The following USH2A variants were observed in gnomAD, a reference collection of about 807,000 sequenced individuals.
The protein encoded by USH2A is Usher syndrome 2A (autosomal recessive, mild).
In USH2A, 443 loss-of-function variants were observed where a neutral mutation model predicts 538.9. That is an observed-to-expected ratio of 0.82 (90% CI 0.76 to 0.89). The LOEUF (loss-of-function observed/expected upper bound fraction) is 0.89. Among genes scored for constraint, USH2A ranks in the 40% least tolerant of loss-of-function variants. The probability of loss-of-function intolerance (pLI) is 0.00; values close to 1 mark genes in which losing one functional copy is unlikely to be tolerated. For missense variants in USH2A, 6,633 were observed against 6,324.8 expected, an observed-to-expected ratio of 1.05 and a Z score of -1.65; for synonymous variants, 2,413 against 2,273.5, an observed-to-expected ratio of 1.06 and a Z score of -1.75.
chr1:215,911,358 A>G (rs2102479350), intron 38 of USH2A, among the ~76,000 whole-genome samples: 1 of 151,162 alleles, frequency 6.6e-6, no homozygotes, highest in East Asian at 1.9e-4. Flanking sequence ...ACCCTCCACT[A>G]CTCTTCCCAG....
At chr1:215,903,969 GTTT>G (rs1558153492) in intron 38 of USH2A, among the ~76,000 whole-genome samples, 1 of 151,978 alleles carries the variant, frequency 6.6e-6, no homozygotes, top group Admixed American at 6.6e-5. Flanking sequence ...AACACAAATG[GTTT>G]TTAACAATCA....
chr1:216,115,514 T>TA (rs1361216691), intron 21 of USH2A, among the ~76,000 whole-genome samples: 2 of 152,174 alleles, frequency 1.3e-5, no homozygotes, highest in African/African-American at 4.8e-5. Flanking sequence ...AAGTACATTA[T>TA]AAAAAAGACT....
intron 37 of USH2A, among the ~76,000 whole-genome samples, chr1:215,944,336 A>T (rs2102434753): frequency 6.6e-6 from 1 of 152,316 alleles, no homozygotes; most frequent in South Asian, 2.1e-4. Flanking sequence ...CAACCTCTGA[A>T]TTAAACAATT....
At chr1:215,704,777 T>G (rs185983810) in intron 61 of USH2A, among the ~76,000 whole-genome samples, 66 of 152,300 alleles carry the variant, frequency 4.3e-4, no homozygotes, top group African/African-American at 9.6e-4. Context: ...TCCTTGAAAA[T>G]ACAAATTTAA....
chr1:216,096,625 C>T (rs552428874), intron 22 of USH2A, among the ~76,000 whole-genome samples: 17 of 152,116 alleles, frequency 1.1e-4, no homozygotes, highest in African/African-American at 2.4e-4. Flanking sequence ...TTTGCAGGGG[C>T]ATGGTCATAT....
intron 30 of USH2A, among the ~76,000 whole-genome samples, chr1:216,069,496 A>T (rs2031487597): frequency 6.6e-6 from 1 of 152,168 alleles, no homozygotes; most frequent in East Asian, 1.9e-4. Flanking sequence ...CTCCCTTTAA[A>T]TGTGCTTTAA....
chr1:215,666,144 G>A (rs1364412083), intron 64 of USH2A, among the ~76,000 whole-genome samples: 1 of 152,178 alleles, frequency 6.6e-6, no homozygotes, highest in Non-Finnish European at 1.5e-5. Flanking sequence ...AATTCTGGAA[G>A]CTATGCTGAA....
chr1:216,054,686 A>C (rs528646011), intron 30 of USH2A, among the ~76,000 whole-genome samples: 8 of 151,754 alleles, frequency 5.3e-5, no homozygotes, highest in African/African-American at 1.7e-4. Context: ...CCAGCTGCCA[A>C]CCAAGGTGTT....
chr1:215,908,808 C>A (rs1003752602), intron 38 of USH2A, among the ~76,000 whole-genome samples: 2 of 151,692 alleles, frequency 1.3e-5, no homozygotes, highest in Non-Finnish European at 2.9e-5. Context: ...TCTTTAGGGA[C>A]ACTTTTTAGA....
At chr1:215,991,008 C>A (rs1449116189) in intron 35 of USH2A, among the ~76,000 whole-genome samples, 6 of 151,878 alleles carry the variant, frequency 4.0e-5, no homozygotes, top group African/African-American at 1.2e-4. Flanking sequence ...TGATCCACCC[C>A]CCTCAGCCTC....
intron 48 of USH2A, among the ~76,000 whole-genome samples, chr1:215,814,480 G>T (rs1571713235): frequency 6.6e-6 from 1 of 151,922 alleles, no homozygotes; most frequent in Admixed American, 6.6e-5. Context: ...TTCATTTGGG[G>T]CTAGGTATGA....
At chr1:215,634,329 C>T in intron 70 of USH2A, 130 bp downstream of exon 70, 1 of 1,463,936 alleles carries the variant, frequency 6.8e-7, no homozygotes. Flanking sequence ...CTCTCTTGGT[C>T]CCCACACTTA....
chr1:216,086,911 G>T, intron 23 of USH2A, 91 bp from the exon 24 acceptor site: 1 of 964,316 alleles, frequency 1.0e-6, no homozygotes, highest in Non-Finnish European at 1.6e-6. Context: ...CAGCCTTTGG[G>T]ATACCACTCT....
chr1:216,404,915 T>C (rs1284004275), intron 3 of USH2A, among the ~76,000 whole-genome samples: 1 of 151,948 alleles, frequency 6.6e-6, no homozygotes, highest in African/African-American at 2.4e-5. Context: ...CACAGCACCA[T>C]GCCCAGCCAA....
chr1:216,038,524 T>C (rs899190013), intron 32 of USH2A, among the ~76,000 whole-genome samples: 15 of 151,958 alleles, frequency 9.9e-5, no homozygotes, highest in African/African-American at 3.6e-4. Flanking sequence ...TTATATTGAG[T>C]ACAAAATTAG....
intron 21 of USH2A, among the ~76,000 whole-genome samples, chr1:216,169,407 A>G (rs1271704295): frequency 6.6e-5 from 10 of 152,160 alleles, no homozygotes; most frequent in Non-Finnish European, 1.2e-4. Flanking sequence ...GTTAAAACAC[A>G]TGCATTCTTA....
intron 21 of USH2A, among the ~76,000 whole-genome samples, chr1:216,117,838 A>T (rs895777268): frequency 2.3e-5 from 3 of 130,872 alleles, no homozygotes; most frequent in African/African-American, 7.7e-5. Flanking sequence ...ACAGATATAT[A>T]TATACACACA....
intron 52 of USH2A, among the ~76,000 whole-genome samples, chr1:215,784,571 A>G (rs1214263692): frequency 6.6e-6 from 1 of 152,214 alleles, no homozygotes; most frequent in African/African-American, 2.4e-5. Flanking sequence ...GGTATTTAAT[A>G]AATAATTTTT....
At chr1:215,954,513 A>G (rs1372214362) in intron 37 of USH2A, among the ~76,000 whole-genome samples, 2 of 139,558 alleles carry the variant, frequency 1.4e-5, no homozygotes, top group Non-Finnish European at 3.0e-5. Flanking sequence ...GAATTGAACA[A>G]TGAGAACACA....
Sources: gnomAD v4.1 joint callset for allele counts (sites outside exome capture counted in the v4.1 genomes callset) on GRCh38, gnomAD v4.1.1 for gene constraint, MANE v1.5 for transcripts, NCBI Gene and HGNC (gene_info 2026-07-23, HGNC 2026-07-21) for gene names.